The following CD80 variants were observed in gnomAD, a reference collection of about 807,000 sequenced individuals.
CD80 encodes the protein CD80 molecule.
In CD80, 13 loss-of-function variants were observed where a neutral mutation model predicts 27.1. The observed-to-expected ratio is 0.48, with a 90% confidence interval of 0.31 to 0.76. The LOEUF (loss-of-function observed/expected upper bound fraction) is 0.76, where lower values mean the gene tolerates loss of function less well. CD80 is among the 30% of genes least tolerant of loss of function. The probability of loss-of-function intolerance (pLI) is 0.04; values close to 1 mark genes in which losing one functional copy is unlikely to be tolerated. For synonymous variants in CD80, 125 were observed against 125.5 expected (o/e 1.00, Z 0.03); for missense variants, 277 against 347.9 (o/e 0.80, Z 1.62).
At chr3:119,532,642 A>T (rs1262729131) in intron 4 of CD80, among the ~76,000 whole-genome samples, 3 of 152,218 alleles carry the variant, frequency 2.0e-5, no homozygotes, top group Admixed American at 2.0e-4. Flanking sequence ...AGTGAATAAC[A>T]ATACCATTTA....
chr3:119,542,953 C>T (rs2082178618), intron 3 of CD80, among the ~76,000 whole-genome samples: 1 of 152,166 alleles, frequency 6.6e-6, no homozygotes. Context: ...GATCAGCTGG[C>T]ACCACCCAGA....
chr3:119,542,585 A>G (rs1434082439), intron 3 of CD80, among the ~76,000 whole-genome samples: 4 of 152,176 alleles, frequency 2.6e-5, no homozygotes, highest in Admixed American at 2.0e-4. Flanking sequence ...TACTGTAATT[A>G]AAGTGAAACC....
At chr3:119,526,853 C>T (rs552869618) in intron 6 of CD80, among the ~76,000 whole-genome samples, 1 of 152,282 alleles carries the variant, frequency 6.6e-6, no homozygotes, top group African/African-American at 2.4e-5. Context: ...GTTACTCTAA[C>T]CTTCACAAGT....
chr3:119,531,649 T>TTTTA (rs145319833), intron 4 of CD80, among the ~76,000 whole-genome samples: 25,466 of 149,000 alleles, frequency 0.17, 2,281 homozygotes, highest in East Asian at 0.27. Flanking sequence ...CAGTGGTAAG[T>TTTTA]TTTATTTATT....
intron 3 of CD80, among the ~76,000 whole-genome samples, chr3:119,539,576 T>C (rs563322713): frequency 6.6e-6 from 1 of 152,330 alleles, no homozygotes; most frequent in African/African-American, 2.4e-5. Context: ...TCCAAGACCC[T>C]TGAGGCACTG....
chr3:119,530,315 C>G (rs929998018), intron 4 of CD80, among the ~76,000 whole-genome samples: 4 of 152,150 alleles, frequency 2.6e-5, no homozygotes, highest in Non-Finnish European at 5.9e-5. Context: ...TTTTCCTTCT[C>G]TAGCTCTGTC....
Position 119,544,875 on chromosome 3 carries a change from G to C in CD80, c.101-8C>G, listed in dbSNP as rs1364041589. 1 of 1,608,608 alleles carries C rather than the reference G, an allele frequency of 6.2e-7. No homozygotes were observed. Among genetic ancestry groups the C allele is most frequent in the African/African-American group, 1.3e-5 (1 of 74,848 alleles). ...TGGTCACGTGGATAACACCTATGGAGAGGCAAACAGAACAAGATTGTATAT... is the reference window on the plus strand; with the variant it reads ...TGGTCACGTGGATAACACCTATGGACAGGCAAACAGAACAAGATTGTATAT... On this transcript the variant is annotated splice_polypyrimidine_tract_variant and splice_region_variant and intron_variant, in intron 2 of 6. Coordinates refer to ENST00000264246, the MANE Select transcript of CD80 (RefSeq NM_005191.4).
At chr3:119,542,823 G>A (rs1486223568) in intron 3 of CD80, among the ~76,000 whole-genome samples, 4 of 152,132 alleles carry the variant, frequency 2.6e-5, no homozygotes, top group Admixed American at 2.0e-4. Context: ...ACTAACATTA[G>A]CCACAAGATT....
At chr3:119,552,325 C>CA (rs199555677) in intron 2 of CD80, among the ~76,000 whole-genome samples, 3,742 of 151,042 alleles carry the variant, frequency 0.025, 160 homozygotes, top group African/African-American at 0.084. Context: ...ACTAAAAATA[C>CA]AAAAAAAATA....
At chr3:119,549,020 G>C (rs2082216027) in intron 2 of CD80, among the ~76,000 whole-genome samples, 1 of 152,034 alleles carries the variant, frequency 6.6e-6, no homozygotes, top group African/African-American at 2.4e-5. Context: ...TTGGGTGACA[G>C]AGTGAGACTC....
At chr3:119,533,334 A>G (rs570084819) in intron 4 of CD80, among the ~76,000 whole-genome samples, 1 of 152,172 alleles carries the variant, frequency 6.6e-6, no homozygotes, top group African/African-American at 2.4e-5. Context: ...CTTCCAGTTT[A>G]TCAAGGGAAA....
Position 119,524,324 on chromosome 3 carries a change from C to G in CD80, c.*1464G>C, listed in dbSNP as rs1483051633. The G allele has an allele frequency of 1.3e-5, 2 of 152,380 alleles. No homozygotes were observed. The highest frequency in any genetic ancestry group is 2.9e-5 in the Non-Finnish European group (2 of 68,050). 9.4% of individuals were successfully genotyped at this position (152,380 alleles called of 1,614,324 possible). ...AAGAAACGGTTCAACTTTGTTTCTT[C>G]CCTTAGTATTGCTGACAAAGTATCT... On this transcript the variant is annotated 3_prime_UTR_variant, in exon 7 of 7. Transcript: ENST00000264246.
intron 3 of CD80, among the ~76,000 whole-genome samples, chr3:119,539,342 C>T: frequency 6.6e-6 from 1 of 151,644 alleles, no homozygotes; most frequent in South Asian, 2.1e-4. Flanking sequence ...TGAAGCTATG[C>T]TAGCTTTCAA....
intron 3 of CD80, among the ~76,000 whole-genome samples, chr3:119,540,456 G>C (rs1467332312): frequency 6.6e-6 from 1 of 150,470 alleles, no homozygotes; most frequent in African/African-American, 2.4e-5. Flanking sequence ...TTTTTTTTTT[G>C]TTTGTTTCAA....
At chr3:119,540,302 C>T (rs2082160537) in intron 3 of CD80, among the ~76,000 whole-genome samples, 1 of 152,184 alleles carries the variant, frequency 6.6e-6, no homozygotes. Flanking sequence ...AGGTAAGCCC[C>T]CTCATTTAAA....
intron 4 of CD80, among the ~76,000 whole-genome samples, chr3:119,536,894 T>C (rs562769938): frequency 6.6e-6 from 1 of 152,362 alleles, no homozygotes; most frequent in Non-Finnish European, 1.5e-5. Flanking sequence ...CAACTGCCTA[T>C]GTGTTCAGTA....
At chr3:119,547,998 T>C (rs2082210418) in intron 2 of CD80, among the ~76,000 whole-genome samples, 1 of 151,938 alleles carries the variant, frequency 6.6e-6, no homozygotes, top group African/African-American at 2.4e-5. Context: ...CTTTTTTTTT[T>C]TGAGACGGAG....
At chr3:119,532,364 C>T (rs553563437) in intron 4 of CD80, among the ~76,000 whole-genome samples, 3 of 152,008 alleles carry the variant, frequency 2.0e-5, no homozygotes, top group Admixed American at 6.6e-5. Flanking sequence ...TTATCGGTGG[C>T]GAGTACCAAT....
At chr3:119,528,058 G>C (rs139224454) in intron 5 of CD80, among the ~76,000 whole-genome samples, 4 of 152,190 alleles carry the variant, frequency 2.6e-5, no homozygotes, top group African/African-American at 9.6e-5. Flanking sequence ...CGGGCAAGGG[G>C]TGCTACTGGC....
Sources: gnomAD v4.1 joint callset for allele counts (sites outside exome capture counted in the v4.1 genomes callset) on GRCh38, gnomAD v4.1.1 for gene constraint, MANE v1.5 for transcripts, NCBI Gene and HGNC (gene_info 2026-07-23, HGNC 2026-07-21) for gene names.